The following EPRS1 variants were observed in gnomAD, a reference collection of about 807,000 sequenced individuals.
The protein encoded by EPRS1 is glutamyl-prolyl-tRNA synthetase 1.
A neutral mutation model predicts 188.3 loss-of-function variants in EPRS1; 107 were observed. The observed-to-expected ratio is 0.57, with a 90% CI of 0.49 to 0.67. The LOEUF is 0.67. EPRS1 is among the 30% of genes least tolerant of loss of function. The pLI is 0.00. For synonymous variants in EPRS1, 596 were observed against 593.1 expected, an observed-to-expected ratio of 1.00 and a Z score of -0.07; for missense variants, 1,577 against 1,802.2, an observed-to-expected ratio of 0.88 and a Z score of 2.26.
Position 220,010,461 on chromosome 1 carries a change from C to T in EPRS1, c.1605+485G>A, listed in dbSNP as rs185064074. Among the ~76,000 whole-genome samples, 25 of 152,004 alleles carry T rather than the reference C, an allele frequency of 1.6e-4. No individual in the cohort carries two copies. The East Asian group carries it at 4.8e-3, about 29-fold the overall frequency. ...GTTACTAAAATAAACTTTTTTAAGG[C>T]AAAAAATCCAAAAAAGATTTACTTC... On this transcript the variant is annotated intron_variant, in intron 13 of 31. Transcript: ENST00000366923.
chr1:219,977,436 G>A (rs1660801563), intron 28 of EPRS1, among the ~76,000 whole-genome samples: 1 of 152,234 alleles, frequency 6.6e-6, no homozygotes, highest in African/African-American at 2.4e-5. Flanking sequence ...AATAAAAGAG[G>A]AAAGGGTACA....
At chr1:220,031,380 G>A (rs1662080528) in intron 5 of EPRS1, among the ~76,000 whole-genome samples, 1 of 152,192 alleles carries the variant, frequency 6.6e-6, no homozygotes, top group Non-Finnish European at 1.5e-5. Context: ...ACAAAAGGAA[G>A]TTTAGTTATG....
chr1:219,996,736 G>A (rs1054615711), intron 18 of EPRS1, among the ~76,000 whole-genome samples: 3 of 152,064 alleles, frequency 2.0e-5, no homozygotes, highest in Admixed American at 1.3e-4. Flanking sequence ...ATATCACAAA[G>A]GATTACAGTC....
intron 27 of EPRS1, among the ~76,000 whole-genome samples, chr1:219,978,953 T>C (rs971251494): frequency 6.8e-5 from 5 of 73,426 alleles, no homozygotes; most frequent in East Asian, 6.0e-4. Flanking sequence ...TGTGTATATA[T>C]ATATATATAT....
At chr1:219,982,872 T>G (rs765963834) in intron 22 of EPRS1, 28 bp from the exon 23 acceptor site, 2 of 1,592,724 alleles carry the variant, frequency 1.3e-6, no homozygotes, top group South Asian at 2.2e-5. Flanking sequence ...TTTTTCATAC[T>G]TTTTTTTCAA....
At chr1:219,984,527 TC>T (rs1200236381) in intron 20 of EPRS1, among the ~76,000 whole-genome samples, 1 of 152,194 alleles carries the variant, frequency 6.6e-6, no homozygotes, top group African/African-American at 2.4e-5. Context: ...CAAGAGATTC[TC>T]TCACCTCAGC....
chr1:219,971,077 A>G (rs540999000), intron 30 of EPRS1, among the ~76,000 whole-genome samples: 1 of 152,222 alleles, frequency 6.6e-6, no homozygotes, highest in East Asian at 1.9e-4. Flanking sequence ...AAAACACAAA[A>G]AAAGATACAG....
chr1:220,000,454 T>C (rs1426999659), intron 17 of EPRS1, among the ~76,000 whole-genome samples: 1 of 152,240 alleles, frequency 6.6e-6, no homozygotes, highest in Admixed American at 6.5e-5. Context: ...TTGTACAGGT[T>C]TTTAGAAGCT....
At chr1:220,031,717 A>G (rs1662086999) in intron 5 of EPRS1, among the ~76,000 whole-genome samples, 1 of 152,226 alleles carries the variant, frequency 6.6e-6, no homozygotes, top group Non-Finnish European at 1.5e-5. Context: ...ACTGTACACT[A>G]TGTCACATTT....
Position 219,982,858 on chromosome 1 carries a change from A to T in EPRS1, c.3301-14T>A. ...AACCCAAGCAACCTAGTAAGAAAAA[A>T]TCATTTTTCATACTTTTTTTTCAAT... On this transcript the variant is annotated splice_polypyrimidine_tract_variant and intron_variant, in intron 22 of 31. Coordinates refer to ENST00000366923, the MANE Select transcript of EPRS1 (RefSeq NM_004446.3). 1 of 1,611,108 alleles carries T rather than the reference A, an allele frequency of 6.2e-7. No individual in the cohort carries two copies. The highest frequency in any genetic ancestry group is 8.5e-7 in the Non-Finnish European group (1 of 1,177,320).
chr1:219,969,342 C>T (rs1660623307), intron 30 of EPRS1: 2 of 523,846 alleles, frequency 3.8e-6, no homozygotes, highest in Non-Finnish European at 6.8e-6. Context: ...GCTCACAGCA[C>T]ATCAAGACAC....
In EPRS1 at chr1:219,969,087, A is replaced by C; in HGVS notation, c.4359T>G (p.Cys1453Trp). The change falls in exon 31 of 32, where the codon TGT (cysteine) becomes TGG (tryptophan). Residue 1453 changes from cysteine to tryptophan, a missense_variant. Physicochemically the swap from Cys to Trp is radical, Grantham distance 215 (BLOSUM62 -2). Transcript: ENST00000366923. ...CAGTGGTCTTTTTGATCCAGTCCTC[A>C]CAGTCAATTTCCCCACAGAATGGAA... ...VQIPFCGEID[C>W]EDWIKKTTAR... The C allele has an allele frequency of 6.2e-7, 1 of 1,613,224 alleles. No homozygotes were observed. The highest frequency in any genetic ancestry group is 1.1e-5 in the South Asian group (1 of 91,064).
chr1:220,037,857 T>A (rs1662216473), intron 2 of EPRS1, among the ~76,000 whole-genome samples: 1 of 152,072 alleles, frequency 6.6e-6, no homozygotes, highest in Non-Finnish European at 1.5e-5. Flanking sequence ...AAACACCAAT[T>A]ACTCCATGGA....
chr1:220,007,218 T>C lies in EPRS1; in HGVS notation c.1726A>G (p.Ile576Val), dbSNP rs374062264. The change falls in exon 14 of 32, where the codon ATT becomes GTT. Residue 576 changes from isoleucine to valine, a missense_variant. Ile to Val is a conservative substitution (Grantham distance 29). Transcript: ENST00000366923. ...AGTTCTTACTTGTGTATTTTTGTAA[T>C]GTTGAGGTTGCCCCAATTTATAAAT... ...VTFINWGNLN[I>V]TKIHKNADGK... The C allele has an allele frequency of 3.7e-6, 6 of 1,612,288 alleles. No homozygotes were observed. Among genetic ancestry groups the C allele is most frequent in the South Asian group, 1.1e-5 (1 of 90,466 alleles).
At chr1:220,031,511 T>C (rs532026827) in intron 5 of EPRS1, among the ~76,000 whole-genome samples, 1 of 152,250 alleles carries the variant, frequency 6.6e-6, no homozygotes, top group African/African-American at 2.4e-5. Context: ...GTTGAGTAAA[T>C]GTGAAAAACA....
At chr1:219,996,128 C>T (rs1460710945) in intron 18 of EPRS1, among the ~76,000 whole-genome samples, 1 of 152,188 alleles carries the variant, frequency 6.6e-6, no homozygotes, top group Non-Finnish European at 1.5e-5. Context: ...ACAGTCTATA[C>T]AGATGCCATT....
chr1:219,973,090 C>T, intron 29 of EPRS1, 148 bp downstream of exon 29: 2 of 642,998 alleles, frequency 3.1e-6, no homozygotes, highest in Non-Finnish European at 5.4e-6. Flanking sequence ...AAGTAAAAAA[C>T]CCAGAGAGTG....
At chr1:219,996,120 A>G (rs1430559087) in intron 18 of EPRS1, among the ~76,000 whole-genome samples, 2 of 152,332 alleles carry the variant, frequency 1.3e-5, no homozygotes, top group South Asian at 4.1e-4. Flanking sequence ...GATCTTTCAC[A>G]GTCTATACAG....
At chr1:220,027,050 GGGAGGC>G (rs1177082574) in intron 6 of EPRS1, among the ~76,000 whole-genome samples, 1 of 151,876 alleles carries the variant, frequency 6.6e-6, no homozygotes, top group African/African-American at 2.4e-5. Flanking sequence ...CCAGCACTTT[GGGAGGC>G]GGAGGCGGGC....
Sources: gnomAD v4.1 joint callset for allele counts (sites outside exome capture counted in the v4.1 genomes callset) on GRCh38, gnomAD v4.1.1 for gene constraint, MANE v1.5 for transcripts, NCBI Gene and HGNC (gene_info 2026-07-23, HGNC 2026-07-21) for gene names.